The following PCDH9 variants were observed in gnomAD, a reference collection of about 807,000 sequenced individuals.
The protein encoded by PCDH9 is protocadherin-9.
In PCDH9, 24 loss-of-function variants were observed where a neutral mutation model predicts 70.6. The ratio of observed to expected loss-of-function variants is 0.34; its 90% CI spans 0.25 to 0.48. PCDH9 has a LOEUF of 0.48. Ranked by LOEUF, PCDH9 falls within the 20% of genes least tolerant of loss-of-function variation. PCDH9 has a pLI of 0.99. For synonymous variants in PCDH9, 562 were observed against 558.5 expected, an observed-to-expected ratio of 1.01 and a Z score of -0.09; for missense variants, 1,281 against 1,503.6, an observed-to-expected ratio of 0.85 and a Z score of 2.45.
chr13:66,874,929 G>A (rs1193710572), intron 3 of PCDH9, among the ~76,000 whole-genome samples: 1 of 136,474 alleles, frequency 7.3e-6, no homozygotes, highest in Non-Finnish European at 1.6e-5. Flanking sequence ...GTGTGTGTGT[G>A]TGTGTGTGTG....
chr13:66,875,629 A>T (rs2081793659), intron 3 of PCDH9, among the ~76,000 whole-genome samples: 1 of 152,188 alleles, frequency 6.6e-6, no homozygotes, highest in South Asian at 2.1e-4. Flanking sequence ...CAACCAAGGA[A>T]AAATTCCCAC....
intron 2 of PCDH9, among the ~76,000 whole-genome samples, chr13:66,969,429 A>G (rs2083482128): frequency 6.6e-6 from 1 of 152,090 alleles, no homozygotes; most frequent in Non-Finnish European, 1.5e-5. Flanking sequence ...CTAATAATAA[A>G]TTGAAATCAC....
chr13:66,786,301 A>G (rs1403021443), intron 3 of PCDH9, among the ~76,000 whole-genome samples: 1 of 152,200 alleles, frequency 6.6e-6, no homozygotes, highest in African/African-American at 2.4e-5. Context: ...GCCATGTGGC[A>G]TTGCCCTGAT....
chr13:66,737,805 C>G (rs1347362304), intron 3 of PCDH9, among the ~76,000 whole-genome samples: 2 of 152,160 alleles, frequency 1.3e-5, no homozygotes, highest in African/African-American at 4.8e-5. Flanking sequence ...GAAAATGGCG[C>G]ACCACGAGAC....
intron 2 of PCDH9, among the ~76,000 whole-genome samples, chr13:67,051,817 G>T (rs979129118): frequency 6.6e-6 from 1 of 152,044 alleles, no homozygotes; most frequent in African/African-American, 2.4e-5. Context: ...CACATGATTT[G>T]CTAAGTTACA....
intron 2 of PCDH9, among the ~76,000 whole-genome samples, chr13:67,011,248 A>G (rs2084446389): frequency 6.6e-6 from 1 of 151,912 alleles, no homozygotes. Context: ...CGTAAACATC[A>G]GGAAACAGAA....
chr13:66,380,305 A>G (rs993243787), intron 4 of PCDH9, among the ~76,000 whole-genome samples: 1 of 152,196 alleles, frequency 6.6e-6, no homozygotes, highest in African/African-American at 2.4e-5. Flanking sequence ...TTCAAGAAAT[A>G]AACTTTAAAA....
At chr13:67,055,253 G>T (rs552899367) in intron 2 of PCDH9, among the ~76,000 whole-genome samples, 1 of 152,272 alleles carries the variant, frequency 6.6e-6, no homozygotes, top group South Asian at 2.1e-4. Context: ...AAGAGTAATA[G>T]ATCCTATAGG....
chr13:66,873,440 G>C (rs1237016380), intron 3 of PCDH9, among the ~76,000 whole-genome samples: 2 of 152,144 alleles, frequency 1.3e-5, no homozygotes, highest in Admixed American at 1.3e-4. Flanking sequence ...CATGAGAAAT[G>C]CATTACCAAG....
At chr13:66,480,015 C>T (rs1339237152) in intron 4 of PCDH9, among the ~76,000 whole-genome samples, 1 of 152,196 alleles carries the variant, frequency 6.6e-6, no homozygotes, top group African/African-American at 2.4e-5. Context: ...GTCTGCACCA[C>T]ATTTAAGAGC....
At chr13:66,775,750 TCAACAGTAG>T (rs1247308332) in intron 3 of PCDH9, among the ~76,000 whole-genome samples, 1 of 152,124 alleles carries the variant, frequency 6.6e-6, no homozygotes, top group African/African-American at 2.4e-5. Context: ...AGGCTTCAGG[TCAACAGTAG>T]GCTATTAGCA....
chr13:66,743,888 G>C lies in PCDH9; in HGVS notation c.3139-112477C>G, dbSNP rs150073376. Among the ~76,000 whole-genome samples the C allele has an allele frequency of 2.9e-3, 448 of 152,144 alleles. 8 individuals carry two copies. The highest frequency in any genetic ancestry group is 1.8e-3 in the Non-Finnish European group (125 of 68,014). On this transcript the variant is annotated intron_variant, in intron 3 of 4. Coordinates refer to ENST00000377865, the MANE Select transcript of PCDH9 (RefSeq NM_203487.3). ...GTGTCATGAGATATAACTTAAAGAT[G>C]TATTAGACGTAATGCCTGCTCTTAA... is the stretch of plus-strand genomic sequence containing the variant.
At chr13:66,959,644 G>A (rs1251153140) in intron 2 of PCDH9, among the ~76,000 whole-genome samples, 4 of 151,582 alleles carry the variant, frequency 2.6e-5, no homozygotes, top group African/African-American at 7.3e-5. Flanking sequence ...CCAGCTACTC[G>A]GGAGGCTGAA....
intron 2 of PCDH9, among the ~76,000 whole-genome samples, chr13:66,918,678 A>C (rs1401296284): frequency 4.0e-5 from 6 of 151,222 alleles, no homozygotes. Flanking sequence ...TAGACCCACT[A>C]TTTTATATTA....
At chr13:66,664,768 C>T (rs527488154) in intron 3 of PCDH9, among the ~76,000 whole-genome samples, 19 of 152,082 alleles carry the variant, frequency 1.2e-4, no homozygotes, top group Non-Finnish European at 1.9e-4. Context: ...CTCCCCTACC[C>T]ATCATTTCCT....
chr13:66,654,770 C>A (rs566831098), intron 3 of PCDH9, among the ~76,000 whole-genome samples: 3 of 152,118 alleles, frequency 2.0e-5, no homozygotes, highest in African/African-American at 7.2e-5. Context: ...AGTGGCATGA[C>A]GACCTCAGCT....
At chr13:66,994,602 C>G (rs900723081) in intron 2 of PCDH9, among the ~76,000 whole-genome samples, 2 of 152,184 alleles carry the variant, frequency 1.3e-5, no homozygotes, top group Non-Finnish European at 2.9e-5. Flanking sequence ...TAAAAACAAG[C>G]TGAGGTACTG....
At chr13:66,564,656 A>G (rs984482491) in intron 4 of PCDH9, among the ~76,000 whole-genome samples, 2 of 152,164 alleles carry the variant, frequency 1.3e-5, no homozygotes, top group Admixed American at 1.3e-4. Context: ...CCTTTCTTCT[A>G]GTTATTTGAA....
At chr13:67,109,437 TA>T (rs2086612502) in intron 2 of PCDH9, among the ~76,000 whole-genome samples, 1 of 152,222 alleles carries the variant, frequency 6.6e-6, no homozygotes, top group African/African-American at 2.4e-5. Context: ...TTTCATTCTT[TA>T]AATGCATCTG....
Sources: gnomAD v4.1 joint callset for allele counts (sites outside exome capture counted in the v4.1 genomes callset) on GRCh38, gnomAD v4.1.1 for gene constraint, MANE v1.5 for transcripts, NCBI Gene and HGNC (gene_info 2026-07-23, HGNC 2026-07-21) for gene names.